RYR3: variants seen among roughly 807,000 people sequenced by gnomAD.
RYR3 encodes ryanodine receptor 3, also known as brain ryanodine receptor-calcium release channel.
RYR3 carries 207 observed loss-of-function variants against 584.3 expected under a neutral mutation model. That is an observed-to-expected ratio of 0.35 (90% CI 0.32 to 0.40). RYR3 has a LOEUF of 0.40. Among genes scored for constraint, RYR3 ranks in the 10% least tolerant of loss-of-function variants. The pLI is 1.00. For synonymous variants in RYR3, 2,416 were observed against 2,248.5 expected, an observed-to-expected ratio of 1.07 and a Z score of -2.11; for missense variants, 5,616 against 6,089.2, an observed-to-expected ratio of 0.92 and a Z score of 2.59.
chr15:33,629,771 G>A, intron 21 of RYR3, 169 bp from the exon 22 acceptor site: 1 of 543,650 alleles, frequency 1.8e-6, no homozygotes, highest in Middle Eastern at 2.7e-4. Context: ...GAGACTGTGT[G>A]TCTCATTGAC....
Position 33,696,480 on chromosome 15 carries a change from C to T in RYR3, c.6123C>T (p.Ile2041=). Residue 2041 remains isoleucine, a synonymous_variant, in exon 39 of 104, where the codon ATC becomes ATT. Coordinates refer to ENST00000634891, the MANE Select transcript of RYR3 (RefSeq NM_001036.6). ...RMGKEEELLM[I]NGLGDIMNNK... is the part of the protein sequence containing the mutation. ...GCAAGGAAGAGGAGTTGCTCATGATCAATGGGCTGGGGTAGGTGATTCACG... is the reference window on the plus strand; with the variant it reads ...GCAAGGAAGAGGAGTTGCTCATGATTAATGGGCTGGGGTAGGTGATTCACG... 6.2e-7 allele frequency: 1 copy of T among 1,613,960 alleles called. No homozygotes were observed. The highest frequency in any genetic ancestry group is 8.5e-7 in the Non-Finnish European group (1 of 1,179,856).
At chr15:33,329,679 C>T (rs1595732982) in intron 1 of RYR3, among the ~76,000 whole-genome samples, 1 of 152,304 alleles carries the variant, frequency 6.6e-6, no homozygotes. Context: ...TACTCCTTAA[C>T]ATCAAAATCT....
chr15:33,464,469 T>G (rs1275845195), intron 1 of RYR3, among the ~76,000 whole-genome samples: 1 of 76,498 alleles, frequency 1.3e-5, no homozygotes, highest in African/African-American at 8.7e-5. Context: ...TGGAGATATA[T>G]ATATATATAT....
intron 61 of RYR3, 40 bp from the exon 62 acceptor site, chr15:33,769,072 A>T (rs530756234): frequency 1.3e-6 from 2 of 1,481,718 alleles, no homozygotes; most frequent in African/African-American, 2.8e-5. Context: ...AGACAGGCTG[A>T]GTGGTTTGAG....
chr15:33,726,525 G>T lies in RYR3; in HGVS notation c.7033+19G>T. ...AACAAAGGTAAGGGGAGTGACTGCAGGCTGCAGCAGCAGTCTCCCAGCAGC... is the reference window on the plus strand; with the variant it reads ...AACAAAGGTAAGGGGAGTGACTGCATGCTGCAGCAGCAGTCTCCCAGCAGC... On this transcript the variant is annotated intron_variant, in intron 46 of 103. Coordinates refer to ENST00000634891, the MANE Select transcript of RYR3 (RefSeq NM_001036.6). The T allele has an allele frequency of 1.3e-6, 2 of 1,568,418 alleles. No individual in the cohort carries two copies. Among genetic ancestry groups the T allele is most frequent in the Non-Finnish European group, 1.7e-6 (2 of 1,157,074 alleles).
chr15:33,649,047 A>T (rs1319020036), intron 30 of RYR3, 25 bp from the exon 31 acceptor site: 9 of 1,584,366 alleles, frequency 5.7e-6, no homozygotes, highest in African/African-American at 1.3e-5. Context: ...GGGGCCATTG[A>T]CTCCCCTCTG....
intron 1 of RYR3, among the ~76,000 whole-genome samples, chr15:33,408,164 AC>A (rs1452338952): frequency 2.0e-5 from 3 of 151,972 alleles, no homozygotes. Context: ...CTCTTCCCGC[AC>A]CCCCTTTGCA....
At position 33,650,462 on chromosome 15, in the gene RYR3, A is replaced by T. The variant is rs113054277; in HGVS notation, c.4142+1227A>T. Reference sequence around the variant, plus strand: ...GGTATGACATTGGACCCGTCACTTAACCTCCCTGGGCCTCGATTTCCTTAT... The same window carrying T: ...GGTATGACATTGGACCCGTCACTTATCCTCCCTGGGCCTCGATTTCCTTAT... On this transcript the variant is annotated intron_variant, in intron 31 of 103. Coordinates refer to ENST00000634891, the MANE Select transcript of RYR3 (RefSeq NM_001036.6). Among the ~76,000 whole-genome samples, 1,310 of 152,242 alleles carry T rather than the reference A, an allele frequency of 8.6e-3. 18 individuals are homozygous for T. The highest frequency in any genetic ancestry group is 0.03 in the African/African-American group (1,240 of 41,520).
rs373928155 is a variant in RYR3, at chr15:33,857,933, C to T, written c.14142+19C>T. 1.3e-5 allele frequency: 18 copies of T among 1,379,676 alleles called. No individual in the cohort carries two copies. The highest frequency in any genetic ancestry group is 4.7e-5 in the South Asian group (4 of 85,876). 85.5% of individuals were successfully genotyped at this position (1,379,676 alleles called of 1,614,324 possible). On this transcript the variant is annotated intron_variant, in intron 99 of 103. Coordinates refer to ENST00000634891, the MANE Select transcript of RYR3 (RefSeq NM_001036.6). The stretch of plus-strand genomic sequence containing the variant: ...GATGACGGTGAGAGCCCACCCACTG[C>T]GGGGCCAGCCCACCCACTGCGGGGC...
At chr15:33,701,833 A>G (rs1001595308) in intron 42 of RYR3, among the ~76,000 whole-genome samples, 2 of 152,134 alleles carry the variant, frequency 1.3e-5, no homozygotes, top group African/African-American at 4.8e-5. Flanking sequence ...TTGGGGAAGC[A>G]TGCCAGGGAT....
chr15:33,544,733 C>A (rs1196391442), intron 8 of RYR3, among the ~76,000 whole-genome samples: 1 of 152,138 alleles, frequency 6.6e-6, no homozygotes, highest in Admixed American at 6.6e-5. Context: ...TTCCTACTTG[C>A]TATCTACTCT....
intron 1 of RYR3, among the ~76,000 whole-genome samples, chr15:33,408,647 C>T (rs914088986): frequency 6.6e-6 from 1 of 152,286 alleles, no homozygotes; most frequent in Middle Eastern, 3.4e-3. Context: ...TTCTCCTCAG[C>T]CTCACTAGCA....
In RYR3 at chr15:33,848,353, A is replaced by G. The variant is rs923943676; in HGVS notation, c.13560A>G (p.Leu4520=). 3.7e-6 allele frequency: 6 copies of G among 1,613,810 alleles called. No homozygotes were observed. In the South Asian group the frequency reaches 5.5e-5, roughly 15 times the overall value. ...CCAGGAAGCTGGAGTTTGATGGCCT[A>G]TATATCACCGAACAGCCATCTGAAG... ...EIARKLEFDG[L]YITEQPSEDD... Residue 4520 remains leucine (L), a synonymous_variant, in exon 94 of 104, where the codon CTA becomes CTG. Transcript: ENST00000634891.
intron 50 of RYR3, 68 bp from the exon 51 acceptor site, chr15:33,739,764 G>A: frequency 7.6e-7 from 1 of 1,323,830 alleles, no homozygotes; most frequent in East Asian, 2.4e-5. Flanking sequence ...CAGCTGATTG[G>A]TGATTGGTTC....
intron 3 of RYR3, among the ~76,000 whole-genome samples, chr15:33,526,263 C>A (rs76602568): frequency 0.026 from 3,889 of 152,220 alleles, 64 homozygotes; most frequent in Non-Finnish European, 0.04. Context: ...ATTACGGGCA[C>A]GAGGATTGAG....
chr15:33,478,404 A>G (rs1415573604), intron 2 of RYR3, among the ~76,000 whole-genome samples: 1 of 152,156 alleles, frequency 6.6e-6, no homozygotes, highest in Non-Finnish European at 1.5e-5. Context: ...ATCTGTAACA[A>G]TTCCATAGGC....
chr15:33,613,614 C>A (rs1445874084), intron 19 of RYR3, among the ~76,000 whole-genome samples: 7 of 152,134 alleles, frequency 4.6e-5, no homozygotes, highest in African/African-American at 1.7e-4. Context: ...TAGGATAAAT[C>A]CTGTGTAGAA....
At chr15:33,760,716 G>C (rs900666197) in intron 60 of RYR3, among the ~76,000 whole-genome samples, 14 of 152,132 alleles carry the variant, frequency 9.2e-5, no homozygotes, top group African/African-American at 3.1e-4. Context: ...ACAAGGATAT[G>C]CAGGACATGA....
At chr15:33,597,567 C>T (rs1227353199) in intron 16 of RYR3, among the ~76,000 whole-genome samples, 3 of 150,798 alleles carry the variant, frequency 2.0e-5, no homozygotes, top group Non-Finnish European at 2.9e-5. Context: ...GCCAAGATTG[C>T]ACCACTGTAC....
Sources: gnomAD v4.1 joint callset for allele counts (sites outside exome capture counted in the v4.1 genomes callset) on GRCh38, gnomAD v4.1.1 for gene constraint, MANE v1.5 for transcripts, NCBI Gene and HGNC (gene_info 2026-07-23, HGNC 2026-07-21) for gene names.